The following MARCHF1 variants were observed in gnomAD, a reference collection of about 807,000 sequenced individuals.
MARCHF1 encodes the protein membrane associated ring-CH-type finger 1.
A neutral mutation model predicts 54.2 loss-of-function variants in MARCHF1; 40 were observed. The ratio of observed to expected loss-of-function variants is 0.74; its 90% CI spans 0.57 to 0.96. MARCHF1 has a LOEUF of 0.96. Ranked by LOEUF, MARCHF1 falls within the 40% of genes least tolerant of loss-of-function variation. The probability of loss-of-function intolerance (pLI) is 0.00; values close to 1 mark genes in which losing one functional copy is unlikely to be tolerated. For synonymous variants in MARCHF1, 236 were observed against 236.3 expected, an observed-to-expected ratio of 1.00 and a Z score of 0.01; for missense variants, 586 against 656.5, an observed-to-expected ratio of 0.89 and a Z score of 1.17.
At chr4:163,987,727 A>G (rs796295758) in intron 3 of MARCHF1, among the ~76,000 whole-genome samples, 12 of 152,324 alleles carry the variant, frequency 7.9e-5, no homozygotes, top group African/African-American at 2.9e-4. Context: ...ACACGACAAC[A>G]TTTATGATAT....
At chr4:164,345,086 A>T (rs1230257093) in intron 1 of MARCHF1, among the ~76,000 whole-genome samples, 1 of 152,178 alleles carries the variant, frequency 6.6e-6, no homozygotes, top group East Asian at 1.9e-4. Flanking sequence ...TTGTAGGATA[A>T]CTGTAGTTAT....
intron 5 of MARCHF1, among the ~76,000 whole-genome samples, chr4:163,621,283 A>G (rs1741688453): frequency 6.6e-6 from 1 of 152,164 alleles, no homozygotes; most frequent in Non-Finnish European, 1.5e-5. Flanking sequence ...GTAACTCTCA[A>G]TCCTGTCTAA....
intron 3 of MARCHF1, among the ~76,000 whole-genome samples, chr4:163,954,296 C>T (rs926619010): frequency 1.2e-4 from 18 of 152,142 alleles, no homozygotes; most frequent in African/African-American, 4.1e-4. Flanking sequence ...TAGCATAAAT[C>T]CAAATATTTA....
chr4:163,549,226 G>A (rs1344025646), intron 8 of MARCHF1, among the ~76,000 whole-genome samples: 2 of 152,160 alleles, frequency 1.3e-5, no homozygotes, highest in Admixed American at 1.3e-4. Flanking sequence ...CTCTATGTTA[G>A]TTTTTCCCAC....
At chr4:164,357,059 C>G (rs896296704) in intron 1 of MARCHF1, among the ~76,000 whole-genome samples, 1 of 150,796 alleles carries the variant, frequency 6.6e-6, no homozygotes, top group Non-Finnish European at 1.5e-5. Context: ...AACAAACCCC[C>G]ACAAGTTTAC....
At chr4:163,874,346 T>C (rs569007178) in intron 3 of MARCHF1, among the ~76,000 whole-genome samples, 21 of 152,114 alleles carry the variant, frequency 1.4e-4, no homozygotes, top group Non-Finnish European at 2.9e-4. Context: ...TAAAATCAAG[T>C]TTGGTAGTTC....
intron 1 of MARCHF1, among the ~76,000 whole-genome samples, chr4:164,241,282 C>T (rs1297177554): frequency 6.6e-6 from 1 of 152,108 alleles, no homozygotes; most frequent in Non-Finnish European, 1.5e-5. Flanking sequence ...AGCCTCAGAA[C>T]TCTTGAGGAA....
At chr4:164,251,247 A>G (rs1449664984) in intron 1 of MARCHF1, among the ~76,000 whole-genome samples, 2 of 152,120 alleles carry the variant, frequency 1.3e-5, no homozygotes, top group Non-Finnish European at 2.9e-5. Context: ...ACTTTTTCTA[A>G]CGTTCAAAGG....
intron 1 of MARCHF1, among the ~76,000 whole-genome samples, chr4:164,286,369 T>G (rs531211161): frequency 6.6e-6 from 1 of 152,172 alleles, no homozygotes; most frequent in Non-Finnish European, 1.5e-5. Flanking sequence ...TCAACATTTT[T>G]AAAAATAACT....
intron 4 of MARCHF1, 97 bp downstream of exon 4, chr4:163,853,921 AAAC>A: frequency 9.6e-7 from 1 of 1,045,220 alleles, no homozygotes; most frequent in Non-Finnish European, 1.3e-6. Flanking sequence ...ATACTGTTGT[AAAC>A]AACGATAACA....
chr4:164,319,268 A>T (rs1267202662), intron 1 of MARCHF1, among the ~76,000 whole-genome samples: 2 of 152,180 alleles, frequency 1.3e-5, no homozygotes, highest in Non-Finnish European at 2.9e-5. Context: ...TAATGTATAC[A>T]GGAGGATGTA....
At chr4:163,616,581 A>C (rs1427192475) in intron 5 of MARCHF1, among the ~76,000 whole-genome samples, 1 of 152,110 alleles carries the variant, frequency 6.6e-6, no homozygotes, top group African/African-American at 2.4e-5. Flanking sequence ...TAGGATGTCT[A>C]TTATCAAAAA....
intron 1 of MARCHF1, among the ~76,000 whole-genome samples, chr4:164,113,384 A>G (rs17475702): frequency 0.21 from 31,677 of 151,934 alleles, 4,270 homozygotes; most frequent in Non-Finnish European, 0.3. Flanking sequence ...CTCTCTATAT[A>G]CATACCTTTC....
chr4:163,857,829 G>C (rs1287389886), intron 3 of MARCHF1, among the ~76,000 whole-genome samples: 1 of 152,088 alleles, frequency 6.6e-6, no homozygotes, highest in African/African-American at 2.4e-5. Flanking sequence ...GGTACAGAGA[G>C]AGAAAAGACC....
At chr4:164,239,778 T>C (rs1203528426) in intron 1 of MARCHF1, among the ~76,000 whole-genome samples, 1 of 152,032 alleles carries the variant, frequency 6.6e-6, no homozygotes, top group African/African-American at 2.4e-5. Flanking sequence ...TTTTTAAGAG[T>C]GTATGTATAT....
chr4:164,329,958 A>C (rs935941004), intron 1 of MARCHF1: 1 of 152,236 alleles, frequency 6.6e-6, no homozygotes, highest in Non-Finnish European at 1.5e-5. Flanking sequence ...TGTTTCTTGA[A>C]GCCCTCACAG....
chr4:164,238,105 G>C (rs529858054), intron 1 of MARCHF1, among the ~76,000 whole-genome samples: 1 of 151,972 alleles, frequency 6.6e-6, no homozygotes, highest in African/African-American at 2.4e-5. Flanking sequence ...AATTCATATA[G>C]AATAGATTTA....
intron 1 of MARCHF1, among the ~76,000 whole-genome samples, chr4:164,368,610 T>C (rs2110948808): frequency 6.6e-6 from 1 of 152,304 alleles, no homozygotes; most frequent in East Asian, 1.9e-4. Flanking sequence ...AAAAAATACA[T>C]TTCAAACCAA....
chr4:164,305,050 T>A (rs1734661762), intron 1 of MARCHF1, among the ~76,000 whole-genome samples: 1 of 152,178 alleles, frequency 6.6e-6, no homozygotes, highest in Non-Finnish European at 1.5e-5. Context: ...AACACATTGC[T>A]TTGGCCATAC....
Sources: allele counts gnomAD v4.1 joint callset (sites outside exome capture counted in the v4.1 genomes callset), GRCh38; gene constraint gnomAD v4.1.1; transcripts MANE v1.5; gene names NCBI Gene and HGNC (gene_info 2026-07-23, HGNC 2026-07-21).